Variants in GATA4 observed in about 807,000 individuals in gnomAD.
GATA4 encodes transcription factor GATA-4.
GATA4 carries 7 observed loss-of-function variants against 37.9 expected under a neutral mutation model. That is an observed-to-expected ratio of 0.18 (90% confidence interval 0.11 to 0.35). The LOEUF (loss-of-function observed/expected upper bound fraction) is 0.35, where lower values mean the gene tolerates loss of function less well. Among genes scored for constraint, GATA4 ranks in the 10% least tolerant of loss-of-function variants. The pLI is 1.00. For synonymous variants in GATA4, 372 were observed against 292.6 expected (o/e 1.27, Z -2.77); for missense variants, 647 against 653.0 (o/e 0.99, Z 0.10).
At chr8:11,733,326 T>C (rs1801299139) in intron 2 of GATA4, among the ~76,000 whole-genome samples, 1 of 152,226 alleles carries the variant, frequency 6.6e-6, no homozygotes, top group African/African-American at 2.4e-5. Context: ...AGAGTTATTG[T>C]ACAAGAATAG....
chr8:11,688,397 A>C (rs1313541260), upstream of GATA4, among the ~76,000 whole-genome samples: 1 of 152,196 alleles, frequency 6.6e-6, no homozygotes, highest in East Asian at 1.9e-4. Context: ...TGTATTGTGT[A>C]CCTACTCTGT....
At chr8:11,680,829 C>G in intron 1 of GATA4, 1 of 985,366 alleles carries the variant, frequency 1.0e-6, no homozygotes, top group African/African-American at 1.7e-5. Flanking sequence ...TCCCCACGCT[C>G]TGGGCAGCAA....
upstream of GATA4, among the ~76,000 whole-genome samples, chr8:11,687,945 A>T (rs1799193365): frequency 6.6e-6 from 1 of 152,216 alleles, no homozygotes; most frequent in Admixed American, 6.5e-5. Flanking sequence ...AAAATGACCA[A>T]TGTCATTTTT....
chr8:11,755,155 G>T (rs373003204), intron 5 of GATA4, 22 bp downstream of exon 5: 3 of 1,576,762 alleles, frequency 1.9e-6, no homozygotes, highest in South Asian at 2.2e-5. Context: ...ATCTGTGAGT[G>T]ATTATATGAG....
intron 1 of GATA4, among the ~76,000 whole-genome samples, chr8:11,694,982 T>C (rs1799461944): frequency 6.6e-6 from 1 of 152,220 alleles, no homozygotes; most frequent in Non-Finnish European, 1.5e-5. Context: ...AATTGCTGTA[T>C]ATACAAGTCC....
At chr8:11,738,048 G>T (rs1431213603) in intron 2 of GATA4, among the ~76,000 whole-genome samples, 1 of 151,924 alleles carries the variant, frequency 6.6e-6, no homozygotes, top group Non-Finnish European at 1.5e-5. Flanking sequence ...AGGCGTGATG[G>T]TATATACCTG....
rs750597721 is a variant in GATA4, at chr8:11,708,346, G to C, written c.34G>C (p.Gly12Arg). Residue 12 changes from glycine to arginine, a missense_variant, in exon 2 of 7, where the codon GGG becomes CGG. Gly to Arg is a moderately radical substitution (Grantham distance 125, BLOSUM62 -2). Around this residue, in one of 5 missense-constraint regions of GATA4, gnomAD observed 379 missense variants for 334.5 expected, o/e 1.13. Transcript: ENST00000532059. This position sits in a 1 kb window ranked among gnomAD's most constrained non-coding sequence, Gnocchi z 6.7. Reference protein sequence around the residue: ...YQSLAMAANHGPPPGAYEAGG... With the variant: ...YQSLAMAANHRPPPGAYEAGG... ...GAGCTTGGCCATGGCCGCCAACCAC[G>C]GGCCGCCCCCCGGTGCCTACGAGGC... is the stretch of plus-strand genomic sequence containing the variant. 52 of 1,583,776 alleles carry C rather than the reference G, an allele frequency of 3.3e-5. No homozygotes were observed. The highest frequency in any genetic ancestry group is 4.3e-5 in the Non-Finnish European group (50 of 1,173,002).
At position 11,717,584 on chromosome 8, in the gene GATA4, A is replaced by G. The variant is rs188227985; in HGVS notation, c.616+8656A>G. On this transcript the variant is annotated intron_variant, in intron 2 of 6. Coordinates refer to ENST00000532059, the MANE Select transcript of GATA4 (RefSeq NM_001308093.3). ...CTTTCCCCCTTTCCCCACACTTTGT[A>G]TTTGCCAAATCTGATATGAGGGCAC... is the stretch of plus-strand genomic sequence containing the variant. 1.2e-4 allele frequency among the ~76,000 whole-genome samples: 18 copies of G among 152,266 alleles called. No individual in the cohort carries two copies. The East Asian group carries it at 3.5e-3, about 29-fold the overall frequency.
upstream of GATA4, among the ~76,000 whole-genome samples, chr8:11,689,081 G>A (rs565735635): frequency 3.9e-5 from 6 of 152,252 alleles, no homozygotes; most frequent in East Asian, 1.9e-4. Flanking sequence ...TCCAATAAGC[G>A]ACTTTGCTCT....
At chr8:11,712,211 G>A (rs570977644) in intron 2 of GATA4, among the ~76,000 whole-genome samples, 20 of 152,352 alleles carry the variant, frequency 1.3e-4, no homozygotes, top group South Asian at 1.0e-3. Context: ...TACCAATTTT[G>A]CTGGTGTGCC....
intron 2 of GATA4, among the ~76,000 whole-genome samples, chr8:11,734,819 CA>C (rs1348083859): frequency 2.0e-5 from 3 of 152,164 alleles, no homozygotes; most frequent in Non-Finnish European, 4.4e-5. Flanking sequence ...GTACTAATCC[CA>C]TTCATGAGGG....
intron 2 of GATA4, among the ~76,000 whole-genome samples, chr8:11,738,815 A>G (rs1417810924): frequency 6.6e-6 from 1 of 152,190 alleles, no homozygotes; most frequent in Non-Finnish European, 1.5e-5. Flanking sequence ...GCACAGTACT[A>G]TGACTGAGGC....
At chr8:11,691,915 G>GA (rs376049123), upstream of GATA4, 35,131 of 508,480 alleles carry the variant, frequency 0.069, 174 homozygotes, top group African/African-American at 0.1. Flanking sequence ...AAAGAGGGAA[G>GA]AAAAAAAAAA....
intron 2 of GATA4, among the ~76,000 whole-genome samples, chr8:11,743,316 G>A (rs1021822814): frequency 1.1e-4 from 16 of 152,252 alleles, no homozygotes; most frequent in African/African-American, 3.4e-4. Flanking sequence ...GTATACAGAC[G>A]CATGGCAGAT....
chr8:11,713,092 C>T (rs980513962), intron 2 of GATA4, among the ~76,000 whole-genome samples: 3 of 151,922 alleles, frequency 2.0e-5, no homozygotes, highest in Admixed American at 1.3e-4. Flanking sequence ...TTAACAATAT[C>T]TTGCCATAGT....
chr8:11,736,105 G>A (rs1801440217), intron 2 of GATA4, among the ~76,000 whole-genome samples: 2 of 151,698 alleles, frequency 1.3e-5, no homozygotes, highest in South Asian at 4.2e-4. Flanking sequence ...GAGATGTGGT[G>A]TTACTATGTT....
intron 1 of GATA4, chr8:11,683,000 A>T (rs1799021600): frequency 1.1e-6 from 1 of 915,384 alleles, no homozygotes. Context: ...AAGTTCTGGG[A>T]AGAGTCTTGA....
intron 2 of GATA4, among the ~76,000 whole-genome samples, chr8:11,720,846 C>T (rs2130141792): frequency 6.6e-6 from 1 of 152,052 alleles, no homozygotes. Context: ...GAGTTTCCTG[C>T]TGCTTGGGCT....
chr8:11,679,223 C>T (rs1340404002), intron 1 of GATA4, among the ~76,000 whole-genome samples: 1 of 150,796 alleles, frequency 6.6e-6, no homozygotes, highest in East Asian at 1.9e-4. Context: ...AAAAGAGCGA[C>T]ACAGGAGAAT....
Sources: allele counts gnomAD v4.1 joint callset (sites outside exome capture counted in the v4.1 genomes callset), GRCh38; gene constraint gnomAD v4.1.1; regional missense constraint gnomAD v4.1.1; non-coding constraint Gnocchi (gnomAD v3.1); transcripts MANE v1.5; gene names NCBI Gene and HGNC (gene_info 2026-07-23, HGNC 2026-07-21).